The following LMF1 variants were observed in gnomAD, a reference collection of about 807,000 sequenced individuals.
LMF1 encodes lipase maturation factor 1, also known as transmembrane protein 112.
LMF1 carries 68 observed loss-of-function variants against 60.6 expected under a neutral mutation model. The observed-to-expected ratio is 1.12, with a 90% confidence interval of 0.92 to 1.37. The LOEUF (loss-of-function observed/expected upper bound fraction) is 1.37, where lower values mean the gene tolerates loss of function less well. Among genes scored for constraint, LMF1 ranks in the 40% most tolerant of loss-of-function variants. The pLI is 0.00. For missense variants in LMF1, 948 were observed against 767.2 expected, an observed-to-expected ratio of 1.24 and a Z score of -2.78; for synonymous variants, 418 against 324.7, an observed-to-expected ratio of 1.29 and a Z score of -3.09.
intron 3 of LMF1, among the ~76,000 whole-genome samples, chr16:926,288 T>C (rs1189385663): frequency 6.6e-6 from 1 of 152,216 alleles, no homozygotes; most frequent in Middle Eastern, 3.2e-3. Flanking sequence ...GCATATGATC[T>C]GCATACGTGT....
intron 3 of LMF1, chr16:931,924 A>G (rs1413824427): frequency 1.4e-6 from 1 of 733,068 alleles, no homozygotes; most frequent in East Asian, 6.7e-5. Flanking sequence ...ATCAGTTAGA[A>G]TGTATGACGC....
rs779637596 is a variant in LMF1, at chr16:954,611, C to G, written c.249G>C (p.Gly83=). The G allele has an allele frequency of 6.8e-5, 109 of 1,609,490 alleles. No individual in the cohort carries two copies. The highest frequency in any genetic ancestry group is 8.4e-5 in the Non-Finnish European group (99 of 1,176,924). The change falls in exon 2 of 11, where the codon GGG becomes GGC. Residue 83 remains glycine (G), a synonymous_variant. Coordinates refer to ENST00000262301, the MANE Select transcript of LMF1 (RefSeq NM_022773.4). The part of the protein sequence containing the change: ...HQNKQLIGDR[G]LLPCRVFLKN... The stretch of plus-strand genomic sequence containing the variant: ...TCAGGAACACTCTGCAGGGAAGCAG[C>G]CCCCTGTCACCGATGAGCTGCTTGT...
At chr16:978,937 T>G (rs1489337056) in intron 1 of LMF1, 1 of 453,238 alleles carries the variant, frequency 2.2e-6, no homozygotes, top group East Asian at 7.0e-5. Flanking sequence ...ATCAGAAGCT[T>G]CAGGGCTCAG....
chr16:957,289 T>C (rs556535863), intron 1 of LMF1, among the ~76,000 whole-genome samples: 8 of 152,210 alleles, frequency 5.3e-5, no homozygotes, highest in Non-Finnish European at 8.8e-5. Flanking sequence ...GGGGTCCATG[T>C]CTGTGTAACT....
intron 1 of LMF1, among the ~76,000 whole-genome samples, chr16:977,316 C>G (rs1051366429): frequency 1.3e-5 from 2 of 152,176 alleles, no homozygotes; most frequent in African/African-American, 4.8e-5. Context: ...TGTGCGTGGC[C>G]AAGAAGCTGA....
At chr16:981,343 A>AGTGTGTGT (rs1567354240), upstream of LMF1, 5 of 232,500 alleles carry the variant, frequency 2.2e-5, no homozygotes, top group African/African-American at 2.0e-4. Flanking sequence ...AGAGAGAGAG[A>AGTGTGTGT]GAGAGTGTGT....
chr16:879,556 C>A lies in LMF1; in HGVS notation c.897+14G>T, dbSNP rs201577520. Reference sequence around the variant, plus strand: ...CTCTGTGGACACGGGGCAGGGCGGGCGGCGCGGGCTCACCTGGAACAGGAT... The same window carrying A: ...CTCTGTGGACACGGGGCAGGGCGGGAGGCGCGGGCTCACCTGGAACAGGAT... On this transcript the variant is annotated intron_variant, in intron 6 of 10. Coordinates refer to ENST00000262301, the MANE Select transcript of LMF1 (RefSeq NM_022773.4). 4 of 1,610,684 alleles carry A rather than the reference C, an allele frequency of 2.5e-6. No homozygotes were observed. In the African/African-American group the frequency reaches 5.3e-5, roughly 22 times the overall value.
upstream of LMF1, chr16:981,351 T>TAA (rs2073369836): frequency 2.4e-5 from 2 of 82,178 alleles, no homozygotes; most frequent in Non-Finnish European, 5.0e-5. Context: ...AGAGAGAGTG[T>TAA]GTGTGTGTGT....
chr16:893,282 T>G lies in LMF1; in HGVS notation c.664-210A>C, dbSNP rs575078000. On this transcript the variant is annotated intron_variant, in intron 4 of 10. Coordinates refer to ENST00000262301, the MANE Select transcript of LMF1 (RefSeq NM_022773.4). ...CAGGGCTGCTTTGAGGACAGGAGTT[T>G]AGTGCACACCGCGGGCGTGAGCAAC... 641 of 667,420 alleles carry G rather than the reference T, an allele frequency of 9.6e-4. 2 individuals carry two copies. Among genetic ancestry groups the G allele is most frequent in the Admixed American group, 2.1e-3 (101 of 48,618 alleles). The allele number at this position is 667,420 out of a possible 1,614,324, so 41.3% of individuals were successfully genotyped here. A position where few individuals can be genotyped will look rare whatever the true frequency, so the allele number is the denominator to read the frequency against.
chr16:878,533 C>T lies in LMF1; in HGVS notation c.897+1037G>A, dbSNP rs1463527298. Among the ~76,000 whole-genome samples, 1 of 152,236 alleles carries T rather than the reference C, an allele frequency of 6.6e-6. No homozygotes were observed. The highest frequency in any genetic ancestry group is 1.5e-5 in the Non-Finnish European group (1 of 68,044). ...ACAGGATGACGAGATTGCACCTCTG[C>T]ACGGCAGGCTGTGGTGAAAACCAGA... On this transcript the variant is annotated intron_variant, in intron 6 of 10. Coordinates refer to ENST00000262301, the MANE Select transcript of LMF1 (RefSeq NM_022773.4). The surrounding 1 kb of genome is among the most constrained non-coding windows in gnomAD (Gnocchi z 5.2).
intron 4 of LMF1, among the ~76,000 whole-genome samples, chr16:894,469 C>T (rs914850924): frequency 3.3e-5 from 5 of 150,710 alleles, no homozygotes; most frequent in African/African-American, 9.8e-5. Flanking sequence ...CCTGTCCACC[C>T]GACTTCTACC....
chr16:912,668 C>T (rs1412462661), intron 3 of LMF1, among the ~76,000 whole-genome samples: 7 of 152,216 alleles, frequency 4.6e-5, no homozygotes, highest in Non-Finnish European at 8.8e-5. Flanking sequence ...ACCTCGCTCA[C>T]GCCCCAGGCT....
intron 3 of LMF1, among the ~76,000 whole-genome samples, chr16:915,043 C>A (rs2071241480): frequency 6.6e-6 from 1 of 152,246 alleles, no homozygotes; most frequent in African/African-American, 2.4e-5. Flanking sequence ...CCCCCGAGGC[C>A]TGAGGGCTTG....
intron 1 of LMF1, chr16:977,067 G>A (rs1399640196): frequency 2.2e-6 from 1 of 454,146 alleles, no homozygotes; most frequent in East Asian, 7.0e-5. Context: ...GCCAGCTCTG[G>A]CTACAGAGGC....
intron 10 of LMF1, among the ~76,000 whole-genome samples, chr16:866,770 C>G (rs113142892): frequency 1.3e-5 from 2 of 152,112 alleles, no homozygotes; most frequent in Non-Finnish European, 1.5e-5. Context: ...GCCCTTTAGT[C>G]AGAGAGAGCA....
chr16:970,213 T>C (rs566954222), intron 1 of LMF1, among the ~76,000 whole-genome samples: 41 of 152,330 alleles, frequency 2.7e-4, no homozygotes, highest in African/African-American at 8.9e-4. Context: ...CCTCAGCCCC[T>C]GGGAGACGCG....
chr16:919,286 G>GA (rs1256811214), intron 3 of LMF1, among the ~76,000 whole-genome samples: 3 of 152,162 alleles, frequency 2.0e-5, no homozygotes, highest in Admixed American at 6.5e-5. Flanking sequence ...CACTCACAGG[G>GA]AAGGAACGTG....
intron 3 of LMF1, among the ~76,000 whole-genome samples, chr16:926,939 G>A (rs1001313218): frequency 6.6e-6 from 1 of 152,198 alleles, no homozygotes; most frequent in African/African-American, 2.4e-5. Context: ...AAGACAGCCT[G>A]GCAAGTAGTG....
chr16:923,489 T>C (rs1041664302), intron 3 of LMF1, among the ~76,000 whole-genome samples: 3 of 152,106 alleles, frequency 2.0e-5, no homozygotes, highest in African/African-American at 7.2e-5. Context: ...GGGAAGCCAA[T>C]AGTCCCGGCT....
Sources: gnomAD v4.1 joint callset for allele counts (sites outside exome capture counted in the v4.1 genomes callset) on GRCh38, gnomAD v4.1.1 for gene constraint, Gnocchi (gnomAD v3.1) non-coding constraint, MANE v1.5 for transcripts, NCBI Gene and HGNC (gene_info 2026-07-23, HGNC 2026-07-21) for gene names.